The following LIPK variants were observed in gnomAD, a reference collection of about 807,000 sequenced individuals.
LIPK encodes lipase member K.
In LIPK, 32 loss-of-function variants were observed where a neutral mutation model predicts 48.6. The observed-to-expected ratio is 0.66, with a 90% CI of 0.50 to 0.88. LIPK has a LOEUF of 0.88. Among genes scored for constraint, LIPK ranks in the 40% least tolerant of loss-of-function variants. The pLI is 0.00. For missense variants in LIPK, 507 were observed against 478.5 expected (o/e 1.06, Z -0.56); for synonymous variants, 164 against 157.4 (o/e 1.04, Z -0.32).
At chr10:88,731,268 C>A in intron 4 of LIPK, 87 bp downstream of exon 4, 1 of 1,050,760 alleles carries the variant, frequency 9.5e-7, no homozygotes, top group Non-Finnish European at 1.3e-6. Flanking sequence ...TGTTTTGTGT[C>A]CAAATGCACC....
intron 8 of LIPK, among the ~76,000 whole-genome samples, chr10:88,742,884 G>A (rs1225128876): frequency 6.6e-6 from 1 of 152,158 alleles, no homozygotes; most frequent in Admixed American, 6.5e-5. Context: ...GAAATGTATA[G>A]CTAATGCCTT....
intron 6 of LIPK, among the ~76,000 whole-genome samples, chr10:88,733,648 C>G (rs1408669758): frequency 6.6e-6 from 1 of 152,198 alleles, no homozygotes; most frequent in African/African-American, 2.4e-5. Context: ...TAAACAATGT[C>G]AGACTTTTTG....
Position 88,752,553 on chromosome 10 carries a change from G to T in LIPK, c.997G>T (p.Val333Phe). 1 of 1,563,766 alleles carries T rather than the reference G, an allele frequency of 6.4e-7. No individual in the cohort carries two copies. The highest frequency in any genetic ancestry group is 8.7e-7 in the Non-Finnish European group (1 of 1,150,374). ...PPLYNITKME[V>F]PTAIWNGGQD... ...TTTATACAACATTACTAAGATGGAA[G>T]TTCCAACAGCAATATGGAATGGTGG... The change falls in exon 10 of 10, where the codon GTT becomes TTT. Residue 333 changes from valine to phenylalanine, a missense_variant. Physicochemically the swap from Val to Phe is conservative, Grantham distance 50. Coordinates refer to ENST00000404190, the MANE Select transcript of LIPK (RefSeq NM_001080518.2).
At chr10:88,728,711 A>T in intron 3 of LIPK, 1 of 323,844 alleles carries the variant, frequency 3.1e-6, no homozygotes, top group Non-Finnish European at 6.2e-6. Flanking sequence ...ATAGGAAGAC[A>T]AGCAGTGGCT....
At chr10:88,745,561 A>AT (rs1015959897) in intron 9 of LIPK, among the ~76,000 whole-genome samples, 5 of 152,146 alleles carry the variant, frequency 3.3e-5, no homozygotes, top group Non-Finnish European at 2.9e-5. Flanking sequence ...AATATAAAAT[A>AT]TTTTTCAGAC....
intron 6 of LIPK, 146 bp from the exon 7 acceptor site, chr10:88,737,489 G>A (rs1409883484): frequency 5.2e-6 from 4 of 775,322 alleles, no homozygotes. Flanking sequence ...GGATTACAAA[G>A]CTAATAACAA....
chr10:88,726,943 T>G, intron 3 of LIPK, 31 bp downstream of exon 3: 4 of 1,297,660 alleles, frequency 3.1e-6, no homozygotes, highest in Non-Finnish European at 4.4e-6. Flanking sequence ...AAAGGAAAAA[T>G]ACTTAAAGCA....
rs749410887 is a variant in LIPK at position 88,726,912 on chromosome 10, G to A, written c.223G>A (p.Ala75Thr). 3.9e-6 allele frequency: 6 copies of A among 1,519,836 alleles called. No homozygotes were observed. The South Asian group carries it at 7.0e-5, about 18-fold the overall frequency. 94.1% of individuals were successfully genotyped at this position (1,519,836 alleles called of 1,614,324 possible). ...TGGAAGAGGATGCCCAGGGAGGACA[G>A]GTATTATTTATTTTGTTATGAAAGG... ...PHGRGCPGRT[A>T]PKPAVYLQHG... Residue 75 changes from alanine (A) to threonine (T), a missense_variant and splice_region_variant, in exon 3 of 10, where the codon GCT becomes ACT. Ala to Thr is a moderately conservative substitution (Grantham distance 58). Coordinates refer to ENST00000404190, the MANE Select transcript of LIPK (RefSeq NM_001080518.2).
At chr10:88,741,104 C>T (rs1204880204) in intron 8 of LIPK, among the ~76,000 whole-genome samples, 5 of 152,166 alleles carry the variant, frequency 3.3e-5, no homozygotes, top group East Asian at 3.9e-4. Flanking sequence ...TCTTGCTGCT[C>T]ATACATATGA....
chr10:88,712,704 G>T (rs1842047446), intron 1 of LIPK, among the ~76,000 whole-genome samples: 2 of 152,098 alleles, frequency 1.3e-5, no homozygotes, highest in Admixed American at 1.3e-4. Context: ...CTGAGCTGAT[G>T]TATCTGTACT....
rs183978526 is a variant in LIPK, at chr10:88,731,015, T to C, written c.256T>C (p.Leu86=). ...PKPAVYLQHG[L]IASASNWICN... ...GCCTGCTGTGTATTTGCAGCATGGC[T>C]TAATTGCATCTGCCAGTAACTGGAT... The change falls in exon 4 of 10, where the codon TTA becomes CTA. Residue 86 remains leucine (L), a synonymous_variant. Coordinates refer to ENST00000404190, the MANE Select transcript of LIPK (RefSeq NM_001080518.2). 1.0e-5 allele frequency: 16 copies of C among 1,594,430 alleles called. No homozygotes were observed. The highest frequency in any genetic ancestry group is 1.4e-5 in the Non-Finnish European group (16 of 1,169,730).
In LIPK at chr10:88,726,853, A is replaced by T; in HGVS notation, c.164A>T (p.Asp55Val). 1.2e-6 allele frequency: 2 copies of T among 1,608,880 alleles called. No homozygotes were observed. The highest frequency in any genetic ancestry group is 1.7e-6 in the Non-Finnish European group (2 of 1,176,184). Residue 55 changes from aspartate to valine, a missense_variant, in exon 3 of 10, where the codon GAT (aspartate) becomes GTT (valine). Transcript: ENST00000404190. ...PYEEYDVTTK[D>V]GYILGIYRIP... ...GAAGAGTATGATGTTACAACAAAAG[A>T]TGGTTATATCCTTGGAATTTATAGG...
intron 1 of LIPK, among the ~76,000 whole-genome samples, chr10:88,718,122 C>T (rs1244550386): frequency 6.6e-6 from 1 of 151,630 alleles, no homozygotes; most frequent in East Asian, 1.9e-4. Flanking sequence ...ATGCATTCTA[C>T]ATTCCCACAT....
chr10:88,711,375 C>T (rs544451557), intron 1 of LIPK, among the ~76,000 whole-genome samples: 9 of 152,090 alleles, frequency 5.9e-5, no homozygotes, highest in Admixed American at 3.9e-4. Flanking sequence ...CCTTTGTGTG[C>T]GTGGCAAGAG....
chr10:88,706,640 T>C (rs970724728), intron 1 of LIPK, among the ~76,000 whole-genome samples: 1 of 152,200 alleles, frequency 6.6e-6, no homozygotes, highest in Non-Finnish European at 1.5e-5. Flanking sequence ...AACCTCTCTT[T>C]TGAGTCTTGC....
chr10:88,707,526 T>G (rs192620416), intron 1 of LIPK, among the ~76,000 whole-genome samples: 57 of 152,270 alleles, frequency 3.7e-4, no homozygotes, highest in Non-Finnish European at 6.6e-4. Flanking sequence ...AATATAATGC[T>G]CTTTAAATGT....
rs531006717 is a variant in LIPK, at chr10:88,733,778, G to A, written c.669+1227G>A. Among the ~76,000 whole-genome samples the A allele has an allele frequency of 3.8e-4, 58 of 152,242 alleles. No individual in the cohort carries two copies. The South Asian group carries it at 6.4e-3, about 17-fold the overall frequency. The stretch of plus-strand genomic sequence containing the variant: ...CTGCATACCCTGACGTGTGTAGGAC[G>A]TGGTGCAATTCAAGTTAATTCAGCC... On this transcript the variant is annotated intron_variant, in intron 6 of 9. Transcript: ENST00000404190.
At chr10:88,739,916 A>G in intron 7 of LIPK, 80 bp from the exon 8 acceptor site, 1 of 827,812 alleles carries the variant, frequency 1.2e-6, no homozygotes, top group Non-Finnish European at 1.9e-6. Flanking sequence ...AAAAGAAGAA[A>G]CTTTTTAAAT....
intron 1 of LIPK, among the ~76,000 whole-genome samples, chr10:88,713,766 C>A (rs555031091): frequency 6.6e-6 from 1 of 151,990 alleles, no homozygotes; most frequent in South Asian, 2.1e-4. Context: ...CATGGTGAAA[C>A]CCCATCTCTA....
Sources: gnomAD v4.1 joint callset for allele counts (sites outside exome capture counted in the v4.1 genomes callset) on GRCh38, gnomAD v4.1.1 for gene constraint, MANE v1.5 for transcripts, NCBI Gene and HGNC (gene_info 2026-07-23, HGNC 2026-07-21) for gene names.